ABCD2: variants seen among roughly 807,000 people sequenced by gnomAD.
The protein encoded by ABCD2 is ATP-binding cassette sub-family D member 2.
In ABCD2, 36 loss-of-function variants were observed where a neutral mutation model predicts 70.9. That is an observed-to-expected ratio of 0.51 (90% confidence interval 0.39 to 0.67). The LOEUF (loss-of-function observed/expected upper bound fraction) is 0.67. Among genes scored for constraint, ABCD2 ranks in the 30% least tolerant of loss-of-function variants. The pLI, the probability that ABCD2 is intolerant of heterozygous loss-of-function variation, is 0.00. For missense variants in ABCD2, 729 were observed against 890.2 expected (o/e 0.82, Z 2.30); for synonymous variants, 304 against 306.9 (o/e 0.99, Z 0.10).
chr12:39,599,122 G>C (rs1365882806), intron 6 of ABCD2, among the ~76,000 whole-genome samples: 1 of 152,124 alleles, frequency 6.6e-6, no homozygotes, highest in Non-Finnish European at 1.5e-5. Context: ...AAGTTTCCTA[G>C]TGATTTTTGT....
At chr12:39,591,787 T>C (rs551066438) in intron 6 of ABCD2, among the ~76,000 whole-genome samples, 1 of 152,280 alleles carries the variant, frequency 6.6e-6, no homozygotes, top group East Asian at 1.9e-4. Flanking sequence ...CAAATTTCTG[T>C]AAAAGTCAAC....
intron 6 of ABCD2, among the ~76,000 whole-genome samples, chr12:39,594,724 A>G (rs1163436266): frequency 6.6e-6 from 1 of 152,230 alleles, no homozygotes; most frequent in African/African-American, 2.4e-5. Context: ...GTTTAATCCC[A>G]GCACTTTGGG....
At chr12:39,589,244 TAGAC>T (rs1333482804) in intron 6 of ABCD2, among the ~76,000 whole-genome samples, 1 of 152,204 alleles carries the variant, frequency 6.6e-6, no homozygotes, top group African/African-American at 2.4e-5. Flanking sequence ...GGTTGAAGGA[TAGAC>T]AGCACAAGCT....
At chr12:39,556,571 C>T (rs2120528057) in intron 9 of ABCD2, among the ~76,000 whole-genome samples, 1 of 152,282 alleles carries the variant, frequency 6.6e-6, no homozygotes, top group Middle Eastern at 3.4e-3. Context: ...CCCAGCCATG[C>T]TGAACTGTGA....
At chr12:39,577,046 T>G (rs1941528412) in intron 8 of ABCD2, among the ~76,000 whole-genome samples, 1 of 151,942 alleles carries the variant, frequency 6.6e-6, no homozygotes, top group African/African-American at 2.4e-5. Flanking sequence ...TAACAACGAA[T>G]TTTTGCATAT....
chr12:39,609,244 G>A (rs947656399), intron 2 of ABCD2, among the ~76,000 whole-genome samples: 3 of 152,118 alleles, frequency 2.0e-5, no homozygotes, highest in African/African-American at 7.2e-5. Flanking sequence ...TTAAGAGTTA[G>A]GAATCAGACT....
At chr12:39,564,922 C>G (rs1385631477) in intron 9 of ABCD2, among the ~76,000 whole-genome samples, 2 of 152,094 alleles carry the variant, frequency 1.3e-5, no homozygotes, top group African/African-American at 4.8e-5. Flanking sequence ...TCAGGTTTGT[C>G]AAAGATCAGA....
chr12:39,590,778 T>C (rs1941734758), intron 6 of ABCD2, among the ~76,000 whole-genome samples: 1 of 151,848 alleles, frequency 6.6e-6, no homozygotes, highest in African/African-American at 2.4e-5. Context: ...TGGTAAAATG[T>C]ATTGATGTTT....
chr12:39,534,571 G>A, the ABCD2 span, among the ~76,000 whole-genome samples: 1 of 151,782 alleles, frequency 6.6e-6, no homozygotes, highest in African/African-American at 2.4e-5. Flanking sequence ...TAGCACTTTG[G>A]GAGGCCAAGG....
Position 39,619,193 on chromosome 12 carries a change from C to A in ABCD2, c.423G>T (p.Arg141=). The part of the protein sequence containing the change: ...IVKSIVEKKP[R]TFIIKLIKWL... ...ACTTGATTAATTTGATGATGAAAGT[C>A]CGAGGCTTCTTTTCCACAATGCTTT... Residue 141 remains arginine (R), a synonymous_variant, in exon 1 of 10, where the codon CGG becomes CGT. Transcript: ENST00000308666. 6.2e-7 allele frequency: 1 copy of A among 1,614,138 alleles called. No individual in the cohort carries two copies.
intron 9 of ABCD2, among the ~76,000 whole-genome samples, chr12:39,557,033 G>A (rs1941177928): frequency 6.6e-6 from 1 of 152,096 alleles, no homozygotes; most frequent in Non-Finnish European, 1.5e-5. Context: ...TTGGAACTGG[G>A]TAACAGGCAG....
At chr12:39,584,047 T>A (rs1941632686) in intron 7 of ABCD2, among the ~76,000 whole-genome samples, 1 of 152,222 alleles carries the variant, frequency 6.6e-6, no homozygotes, top group South Asian at 2.1e-4. Context: ...AACCCAGTAA[T>A]GAGATTGTTG....
In ABCD2 at chr12:39,553,922, T is replaced by C. The variant is rs1326029150; in HGVS notation, c.2213A>G (p.Glu738Gly). 1.3e-5 allele frequency: 21 copies of C among 1,604,834 alleles called. No homozygotes were observed. The highest frequency in any genetic ancestry group is 1.7e-5 in the Non-Finnish European group (20 of 1,174,466). The part of the protein sequence containing the change: ...SVLKTIKNED[E>G]TS The stretch of plus-strand genomic sequence containing the variant: ...ATATGTCAAAACAAATTAAGATGTC[T>C]CATCTTCATTTTTAATTGTTTTCAG... The change falls in exon 10 of 10, where the codon GAG becomes GGG. Residue 738 changes from glutamate (E) to glycine (G), a missense_variant. Around this residue, in one of 3 missense-constraint regions of ABCD2, gnomAD observed 289 missense variants for 328.8 expected, o/e 0.88. Coordinates refer to ENST00000308666, the MANE Select transcript of ABCD2 (RefSeq NM_005164.4).
intron 6 of ABCD2, among the ~76,000 whole-genome samples, chr12:39,593,899 T>A (rs1941779699): frequency 6.6e-6 from 1 of 152,198 alleles, no homozygotes; most frequent in African/African-American, 2.4e-5. Flanking sequence ...GAGAATAAAA[T>A]TTAATTTGAA....
chr12:39,538,685 A>G, the ABCD2 span, among the ~76,000 whole-genome samples: 1 of 152,124 alleles, frequency 6.6e-6, no homozygotes, highest in East Asian at 1.9e-4. Flanking sequence ...TGAAAGCTTG[A>G]AGGGATGAGT....
chr12:39,573,792 C>T lies in ABCD2; in HGVS notation c.1927G>A (p.Val643Ile). 3 of 1,613,336 alleles carry T rather than the reference C, an allele frequency of 1.9e-6. No homozygotes were observed. The highest frequency in any genetic ancestry group is 2.5e-6 in the Non-Finnish European group (3 of 1,179,416). The change falls in exon 9 of 10, where the codon GTC (valine) becomes ATC (isoleucine). Residue 643 changes from valine (V) to isoleucine (I), a missense_variant. Transcript: ENST00000308666. ...GCAGCCTGAAATATCTTTCCTTCGA[C>T]ATCAATGCTGACAGCACTGGTACAT... ...DECTSAVSIDVEGKIFQAAKG... is the reference protein window; with the variant it reads ...DECTSAVSIDIEGKIFQAAKG...
At chr12:39,556,135 T>C (rs1267822120) in intron 9 of ABCD2, among the ~76,000 whole-genome samples, 3 of 152,166 alleles carry the variant, frequency 2.0e-5, no homozygotes, top group African/African-American at 7.2e-5. Context: ...CATCAATTCA[T>C]GACCAGAAGG....
chr12:39,556,668 G>T (rs1159809599), intron 9 of ABCD2, among the ~76,000 whole-genome samples: 5 of 152,098 alleles, frequency 3.3e-5, no homozygotes, highest in African/African-American at 4.8e-5. Context: ...ACAGTAAATT[G>T]GTACTGGTAG....
Position 39,619,664 on chromosome 12 carries a change from C to G in ABCD2, c.-49G>C, listed in dbSNP as rs375364711. 295 of 1,507,056 alleles carry G rather than the reference C, an allele frequency of 2.0e-4. 1 individual carries two copies. The highest frequency in any genetic ancestry group is 2.5e-4 in the Non-Finnish European group (279 of 1,113,198). 93.4% of individuals were successfully genotyped at this position (1,507,056 alleles called of 1,614,324 possible). On this transcript the variant is annotated 5_prime_UTR_variant, in exon 1 of 10. An upstream start codon of the reference 5' UTR is lost. Transcript: ENST00000308666. ...TCCAAAAGAATTCGTTTTAAAAGAT[C>G]ATGCTTCACAGAAATCCCCAGCAAA...
Sources: allele counts gnomAD v4.1 joint callset (sites outside exome capture counted in the v4.1 genomes callset), GRCh38; gene constraint gnomAD v4.1.1; regional missense constraint gnomAD v4.1.1; transcripts MANE v1.5; gene names NCBI Gene and HGNC (gene_info 2026-07-23, HGNC 2026-07-21).